GULP1: variants seen among roughly 807,000 people sequenced by gnomAD.
GULP1 encodes the protein PTB domain-containing engulfment adapter protein 1.
A neutral mutation model predicts 40.9 loss-of-function variants in GULP1; 19 were observed. That is an observed-to-expected ratio of 0.46 (90% CI 0.32 to 0.68). The LOEUF is 0.68. Ranked by LOEUF, GULP1 falls within the 30% of genes least tolerant of loss-of-function variation. The probability of loss-of-function intolerance (pLI) is 0.03; values close to 1 mark genes in which losing one functional copy is unlikely to be tolerated. For missense variants in GULP1, 312 were observed against 362.2 expected, an observed-to-expected ratio of 0.86 and a Z score of 1.12; for synonymous variants, 119 against 117.6, an observed-to-expected ratio of 1.01 and a Z score of -0.08.
intron 4 of GULP1, among the ~76,000 whole-genome samples, chr2:188,505,742 T>C (rs1486560794): frequency 6.6e-6 from 1 of 151,866 alleles, no homozygotes; most frequent in Non-Finnish European, 1.5e-5. Flanking sequence ...CTGTAAACTC[T>C]TTCTGTCTGT....
intron 2 of GULP1, among the ~76,000 whole-genome samples, chr2:188,432,330 G>A (rs2056960737): frequency 6.6e-6 from 1 of 151,404 alleles, no homozygotes; most frequent in Non-Finnish European, 1.5e-5. Flanking sequence ...AGTTTACCTA[G>A]ATTACTTATG....
At chr2:188,540,270 G>A (rs952594375) in intron 6 of GULP1, among the ~76,000 whole-genome samples, 2 of 151,962 alleles carry the variant, frequency 1.3e-5, no homozygotes, top group African/African-American at 2.4e-5. Flanking sequence ...TCAGAAGACT[G>A]TGAAGAATGA....
chr2:188,537,724 C>G (rs1689301578), intron 6 of GULP1, among the ~76,000 whole-genome samples: 1 of 152,016 alleles, frequency 6.6e-6, no homozygotes, highest in Non-Finnish European at 1.5e-5. Context: ...GAGGTTCCTT[C>G]TCCTCAGTTT....
intron 7 of GULP1, among the ~76,000 whole-genome samples, chr2:188,543,287 T>C (rs1317580630): frequency 6.6e-6 from 1 of 152,112 alleles, no homozygotes; most frequent in Non-Finnish European, 1.5e-5. Context: ...CAGGATGCCT[T>C]TTAAAAGCTA....
At chr2:188,463,546 A>AT (rs531705304) in intron 2 of GULP1, among the ~76,000 whole-genome samples, 3 of 151,948 alleles carry the variant, frequency 2.0e-5, no homozygotes, top group Non-Finnish European at 2.9e-5. Flanking sequence ...GGGTATTGAT[A>AT]TATTTCTCTA....
At chr2:188,342,640 G>T (rs958908215) in intron 1 of GULP1, among the ~76,000 whole-genome samples, 1 of 152,036 alleles carries the variant, frequency 6.6e-6, no homozygotes, top group Middle Eastern at 3.2e-3. Flanking sequence ...ACAAACTTGG[G>T]TTTCATATCA....
At chr2:188,536,338 T>C (rs1386215925) in intron 6 of GULP1, among the ~76,000 whole-genome samples, 1 of 151,946 alleles carries the variant, frequency 6.6e-6, no homozygotes, top group African/African-American at 2.4e-5. Context: ...CTACATTATT[T>C]AATCCATCTT....
intron 4 of GULP1, among the ~76,000 whole-genome samples, chr2:188,504,697 CT>C (rs1478224080): frequency 6.6e-6 from 1 of 151,782 alleles, no homozygotes; most frequent in African/African-American, 2.4e-5. Context: ...CTATCAAACA[CT>C]TTTGTTGGTG....
chr2:188,554,984 C>CTGTGTAGAATATCTTT (rs1403768026), intron 7 of GULP1, among the ~76,000 whole-genome samples: 1 of 151,890 alleles, frequency 6.6e-6, no homozygotes, highest in East Asian at 1.9e-4. Context: ...TGGTTTTCAT[C>CTGTGTAGAATATCTTT]TGTGTAGAAT....
intron 2 of GULP1, among the ~76,000 whole-genome samples, chr2:188,435,999 C>T (rs1318342799): frequency 6.6e-6 from 1 of 152,108 alleles, no homozygotes; most frequent in Non-Finnish European, 1.5e-5. Flanking sequence ...TCAAAATCAA[C>T]TGTTTTGAGA....
intron 9 of GULP1, among the ~76,000 whole-genome samples, chr2:188,574,203 T>A (rs956404783): frequency 6.6e-6 from 1 of 152,074 alleles, no homozygotes; most frequent in African/African-American, 2.4e-5. Flanking sequence ...TTTTGGGAGT[T>A]GTGGAATTAA....
intron 2 of GULP1, among the ~76,000 whole-genome samples, chr2:188,395,347 G>T (rs961592125): frequency 6.6e-6 from 1 of 152,202 alleles, no homozygotes; most frequent in Non-Finnish European, 1.5e-5. Context: ...CGAACCTGGC[G>T]TGCACTCCAC....
intron 4 of GULP1, among the ~76,000 whole-genome samples, chr2:188,510,633 CACTT>C (rs1408690561): frequency 1.3e-5 from 2 of 151,876 alleles, no homozygotes; most frequent in Middle Eastern, 3.2e-3. Context: ...ACAGAATAAA[CACTT>C]ACTTAAAAGA....
chr2:188,545,937 A>G (rs926283861), intron 7 of GULP1, among the ~76,000 whole-genome samples: 5 of 151,904 alleles, frequency 3.3e-5, no homozygotes, highest in Non-Finnish European at 7.4e-5. Flanking sequence ...TAGTAACTAT[A>G]TTTACATCAG....
At position 188,542,675 on chromosome 2, in the gene GULP1, A is replaced by G. The variant is rs533093193; in HGVS notation, c.399+1357A>G. Among the ~76,000 whole-genome samples the G allele has an allele frequency of 3.3e-3, 506 of 152,264 alleles. 1 individual carries two copies. The highest frequency in any genetic ancestry group is 6.4e-3 in the Non-Finnish European group (435 of 67,988). On this transcript the variant is annotated intron_variant, in intron 7 of 11. Transcript: ENST00000409830. ...AAGACAATATTTTGTGCACAATAAG[A>G]CATTTTATATAGCTCAAATTGATTT...
chr2:188,387,153 T>C (rs1430869284), intron 2 of GULP1, among the ~76,000 whole-genome samples: 1 of 152,022 alleles, frequency 6.6e-6, no homozygotes, highest in Non-Finnish European at 1.5e-5. Context: ...GGAGATCCCC[T>C]TGAACCCAGG....
intron 7 of GULP1, among the ~76,000 whole-genome samples, chr2:188,562,108 C>T (rs1231679526): frequency 2.0e-5 from 3 of 152,186 alleles, no homozygotes; most frequent in African/African-American, 7.2e-5. Context: ...GGACAGTGTG[C>T]AATCTGCTCA....
chr2:188,572,382 G>T (rs1244304659), intron 9 of GULP1, among the ~76,000 whole-genome samples: 1 of 152,068 alleles, frequency 6.6e-6, no homozygotes, highest in East Asian at 1.9e-4. Context: ...ATTATTTTAG[G>T]CATTGTGTTC....
chr2:188,582,264 T>A, intron 9 of GULP1: 1 of 411,940 alleles, frequency 2.4e-6, no homozygotes, highest in Non-Finnish European at 5.0e-6. Flanking sequence ...ATTTTACAAA[T>A]AAATTTCAAG....
Sources: gnomAD v4.1 joint callset for allele counts (sites outside exome capture counted in the v4.1 genomes callset) on GRCh38, gnomAD v4.1.1 for gene constraint, MANE v1.5 for transcripts, NCBI Gene and HGNC (gene_info 2026-07-23, HGNC 2026-07-21) for gene names.